The following NDUFA11 variants were observed in gnomAD, a reference collection of about 807,000 sequenced individuals.
NDUFA11 encodes the protein NADH dehydrogenase [ubiquinone] 1 alpha subcomplex subunit 11.
NDUFA11 carries 14 observed loss-of-function variants against 11.3 expected under a neutral mutation model. The ratio of observed to expected loss-of-function variants is 1.24; its 90% CI spans 0.82 to 1.94. The LOEUF (loss-of-function observed/expected upper bound fraction) is 1.94. Among genes scored for constraint, NDUFA11 ranks in the 30% most tolerant of loss-of-function variants. The probability of loss-of-function intolerance (pLI) is 0.00; values close to 1 mark genes in which losing one functional copy is unlikely to be tolerated. For synonymous variants in NDUFA11, 87 were observed against 85.6 expected (o/e 1.02, Z -0.09); for missense variants, 204 against 200.3 (o/e 1.02, Z -0.11).
downstream of NDUFA11, chr19:5,892,263 C>G (rs17271904): frequency 0.058 from 8,955 of 153,278 alleles, 341 homozygotes; most frequent in Middle Eastern, 0.11. Flanking sequence ...GGCGTGCGGC[C>G]TTTAAATTTC....
downstream of NDUFA11, chr19:5,892,702 G>A (rs887251796): frequency 1.3e-5 from 7 of 556,532 alleles, no homozygotes; most frequent in Non-Finnish European, 2.0e-5. Context: ...CCAGCAGGCC[G>A]TGCTGTGGTG....
At position 5,894,860 on chromosome 19, in the gene NDUFA11, G is replaced by A. The variant is rs201202799; in HGVS notation, c.314-6C>T. On this transcript the variant is annotated splice_polypyrimidine_tract_variant and splice_region_variant and intron_variant, in intron 3 of 3. Transcript: ENST00000308961. ...GCCAATCCCGTAGTTGTGCGCTGTG[G>A]GAGTGGGGAGGTGATGTCAGGCCCG... is the stretch of plus-strand genomic sequence containing the variant. 26 of 1,594,720 alleles carry A rather than the reference G, an allele frequency of 1.6e-5. No individual in the cohort carries two copies. The highest frequency in any genetic ancestry group is 2.1e-5 in the Non-Finnish European group (24 of 1,169,926).
In NDUFA11 at chr19:5,896,788, G is replaced by A; in HGVS notation, c.190+117C>T. The A allele has an allele frequency of 8.4e-7, 1 of 1,189,410 alleles. No individual in the cohort carries two copies. The highest frequency in any genetic ancestry group is 1.2e-5 in the South Asian group (1 of 82,660). The allele number at this position is 1,189,410 out of a possible 1,614,324, so 73.7% of individuals were successfully genotyped here. ...AGGAACACCCCACTTTCTCCGGATG[G>A]CCAGCACTGTGGACACGGGCTGGGG... On this transcript the variant is annotated intron_variant, in intron 2 of 3. Transcript: ENST00000308961. The surrounding 1 kb of genome is among the most constrained non-coding windows in gnomAD (Gnocchi z 5.8).
Position 5,894,776 on chromosome 19 carries a change from T to A in NDUFA11, c.392A>T (p.Glu131Val). 1 of 1,613,258 alleles carries A rather than the reference T, an allele frequency of 6.2e-7. No homozygotes were observed. Among genetic ancestry groups the A allele is most frequent in the Non-Finnish European group, 8.5e-7 (1 of 1,179,780 alleles). The change falls in exon 4 of 4, where the codon GAG becomes GTG. Residue 131 changes from glutamate to valine, a missense_variant. By Grantham distance (121) the Glu-to-Val change is moderately radical. Transcript: ENST00000308961. ...GGGTTTTGCAAACACCTCCCAGCCC[T>A]CCAGCCGGCCCATCTTGACCAGGGA... ...AASLVKMGRL[E>V]GWEVFAKPKV
chr19:5,900,369 CCCA>C (rs1163771333), intron 1 of NDUFA11, among the ~76,000 whole-genome samples: 1 of 152,178 alleles, frequency 6.6e-6, no homozygotes, highest in African/African-American at 2.4e-5. Context: ...ACAAATGGTG[CCCA>C]CAAGATGCTT....
chr19:5,901,093 C>G (rs997558796), intron 1 of NDUFA11, among the ~76,000 whole-genome samples: 1 of 152,030 alleles, frequency 6.6e-6, no homozygotes, highest in Admixed American at 6.6e-5. Context: ...ACCTCCCCTT[C>G]TAAGACCCTC....
At chr19:5,901,490 C>T in intron 1 of NDUFA11, 1 of 1,275,948 alleles carries the variant, frequency 7.8e-7, no homozygotes, top group Non-Finnish European at 1.0e-6. Context: ...GTCTGTCTTA[C>T]TATTAATAAA....
rs368032547 is a variant in NDUFA11, at chr19:5,897,002, G to A, written c.98-5C>T. On this transcript the variant is annotated splice_polypyrimidine_tract_variant and splice_region_variant and intron_variant, in intron 1 of 3. Transcript: ENST00000308961. ...TGTAGGCAGCGGCGGTCAGGCCTGCGAGACAGAGGAGGGAGGCTGTTCAGA... is the reference window on the plus strand; with the variant it reads ...TGTAGGCAGCGGCGGTCAGGCCTGCAAGACAGAGGAGGGAGGCTGTTCAGA... 4.7e-5 allele frequency: 76 copies of A among 1,612,390 alleles called. No homozygotes were observed. Among genetic ancestry groups the A allele is most frequent in the Non-Finnish European group, 5.9e-5 (70 of 1,178,712 alleles).
downstream of NDUFA11, chr19:5,893,241 C>A (rs995702375): frequency 1.2e-5 from 19 of 1,520,506 alleles, no homozygotes; most frequent in African/African-American, 2.3e-4. The surrounding 1 kb of genome is among the most constrained non-coding windows in gnomAD (Gnocchi z 4.1). Context: ...GAGGACTGCT[C>A]GAGGCCAGGA....
chr19:5,894,525 T>C, downstream of NDUFA11: 1 of 962,616 alleles, frequency 1.0e-6, no homozygotes, highest in Non-Finnish European at 1.5e-6. Context: ...ACCAGTTCTG[T>C]GGGGCCAGGC....
chr19:5,901,660 C>CT, intron 1 of NDUFA11: 1 of 243,418 alleles, frequency 4.1e-6, no homozygotes, highest in Non-Finnish European at 8.1e-6. Flanking sequence ...AAGACTGTTT[C>CT]TTTGGGTTTT....
At chr19:5,903,047 C>G (rs1333208529) in intron 1 of NDUFA11, among the ~76,000 whole-genome samples, 2 of 149,940 alleles carry the variant, frequency 1.3e-5, no homozygotes, top group Non-Finnish European at 3.0e-5. Flanking sequence ...CCAGGGCTTG[C>G]GGGTCCCCTT....
At position 5,896,535 on chromosome 19, in the gene NDUFA11, G is replaced by A. The variant is rs144465011; in HGVS notation, c.231C>T (p.Ser77=). 18 of 1,568,862 alleles carry A rather than the reference G, an allele frequency of 1.1e-5. No homozygotes were observed. The highest frequency in any genetic ancestry group is 5.7e-5 in the Admixed American group (3 of 52,486). The change falls in exon 3 of 4, where the codon AGC becomes AGT. Residue 77 remains serine (S), a synonymous_variant. Coordinates refer to ENST00000308961, the MANE Select transcript of NDUFA11 (RefSeq NM_175614.5). The surrounding 1 kb of genome is among the most constrained non-coding windows in gnomAD (Gnocchi z 5.8). ...CGTCGGGCTTCTCGCGGACATGGGCGCTGATGCAGGTGGTGAGGCCAAACA... is the reference window on the plus strand; with the variant it reads ...CGTCGGGCTTCTCGCGGACATGGGCACTGATGCAGGTGGTGAGGCCAAACA... ...GAVFGLTTCI[S]AHVREKPDDP...
chr19:5,894,927 G>T, intron 3 of NDUFA11, 73 bp from the exon 4 acceptor site: 1 of 1,498,250 alleles, frequency 6.7e-7, no homozygotes, highest in Non-Finnish European at 9.0e-7. Flanking sequence ...GCCCTGGCCG[G>T]TGCCCACCCT....
chr19:5,899,667 A>G (rs961509909), intron 1 of NDUFA11, among the ~76,000 whole-genome samples: 3 of 151,136 alleles, frequency 2.0e-5, no homozygotes, highest in Admixed American at 2.0e-4. Flanking sequence ...GGGTTTTACC[A>G]TGTTGGCCAG....
chr19:5,898,878 T>TAAAAAAAAA (rs34771049), intron 1 of NDUFA11, among the ~76,000 whole-genome samples: 4 of 82,486 alleles, frequency 4.8e-5, no homozygotes, highest in Non-Finnish European at 1.1e-4. Context: ...CGTCTCAAAA[T>TAAAAAAAAA]AAAAAAAAAA....
intron 1 of NDUFA11, among the ~76,000 whole-genome samples, chr19:5,898,041 C>T (rs2057621766): frequency 6.6e-6 from 1 of 152,208 alleles, no homozygotes; most frequent in South Asian, 2.1e-4. Flanking sequence ...CCAGAGAAAA[C>T]AGAACTGCCA....
At chr19:5,898,882 A>G (rs1184611180) in intron 1 of NDUFA11, among the ~76,000 whole-genome samples, 3 of 150,906 alleles carry the variant, frequency 2.0e-5, no homozygotes, top group East Asian at 3.9e-4. Context: ...TCAAAATAAA[A>G]AAAAAAAAAA....
chr19:5,898,009 G>C (rs981184078), intron 1 of NDUFA11, among the ~76,000 whole-genome samples: 8 of 152,162 alleles, frequency 5.3e-5, no homozygotes, highest in African/African-American at 1.4e-4. Context: ...TGCAGGCAGG[G>C]ACCTCCTCGG....
Sources: gnomAD v4.1 joint callset for allele counts (sites outside exome capture counted in the v4.1 genomes callset) on GRCh38, gnomAD v4.1.1 for gene constraint, Gnocchi (gnomAD v3.1) non-coding constraint, MANE v1.5 for transcripts, NCBI Gene and HGNC (gene_info 2026-07-23, HGNC 2026-07-21) for gene names.